The following NDUFA10 variants were observed in gnomAD, a reference collection of about 807,000 sequenced individuals.
NDUFA10 encodes the protein NADH:ubiquinone oxidoreductase subunit A10, also known as NADH dehydrogenase [ubiquinone] 1 alpha subcomplex subunit 10, mitochondrial.
NDUFA10 carries 40 observed loss-of-function variants against 47.8 expected under a neutral mutation model. The ratio of observed to expected loss-of-function variants is 0.84; its 90% CI spans 0.65 to 1.09. The LOEUF is 1.09. NDUFA10 is among the 50% of genes least tolerant of loss of function. NDUFA10 has a pLI of 0.00. For synonymous variants in NDUFA10, 183 were observed against 172.2 expected (o/e 1.06, Z -0.49); for missense variants, 413 against 451.1 (o/e 0.92, Z 0.76).
chr2:239,970,080 C>T (rs1398969165), intron 9 of NDUFA10, among the ~76,000 whole-genome samples: 3 of 152,254 alleles, frequency 2.0e-5, no homozygotes, highest in African/African-American at 7.2e-5. Flanking sequence ...GAAAACCACG[C>T]AGATGCATGC....
chr2:239,990,100 C>T lies in NDUFA10; in HGVS notation c.973G>A (p.Asp325Asn). Residue 325 changes from aspartate to asparagine, a missense_variant, in exon 9 of 10, where the codon GAC becomes AAC. Transcript: ENST00000252711. The stretch of plus-strand genomic sequence containing the variant: ...TCTCTGAACTGATGTAAGACACGGT[C>T]AGTCTGATGAGCTCCAATGGTGACT... ...PEVTIGAHQT[D>N]RVLHQFRELP... 6.2e-7 allele frequency: 1 copy of T among 1,612,858 alleles called. No homozygotes were observed. The highest frequency in any genetic ancestry group is 1.3e-5 in the African/African-American group (1 of 75,006).
intron 9 of NDUFA10, among the ~76,000 whole-genome samples, chr2:239,962,611 T>C (rs776490714): frequency 1.7e-4 from 26 of 152,166 alleles, no homozygotes; most frequent in Non-Finnish European, 3.4e-4. Flanking sequence ...GGTGCTCTGT[T>C]AGTTCATTCT....
chr2:239,948,559 A>G (rs956393285), intron 4 of NDUFA10, among the ~76,000 whole-genome samples: 4 of 152,268 alleles, frequency 2.6e-5, no homozygotes, highest in African/African-American at 9.6e-5. Flanking sequence ...GGCCTGCCCG[A>G]GCAAAGCTGC....
At position 239,922,268 on chromosome 2, in the gene NDUFA10, G is replaced by C. The variant is rs531838622; in HGVS notation, c.295-26954C>G. On this transcript the variant is annotated intron_variant, in intron 4 of 5. Coordinates refer to the NDUFA10 transcript ENST00000419408. The stretch of plus-strand genomic sequence containing the variant: ...GACTTGGATTCTGTGCTGAAAGGCA[G>C]CTAGGCACCTCAGCTGGCCAACCCC... Among the ~76,000 whole-genome samples, 3 of 152,258 alleles carry C rather than the reference G, an allele frequency of 2.0e-5. No homozygotes were observed. The South Asian group carries it at 6.2e-4, about 32-fold the overall frequency.
At chr2:240,000,600 T>C (rs955166269) in intron 8 of NDUFA10, among the ~76,000 whole-genome samples, 5 of 152,224 alleles carry the variant, frequency 3.3e-5, no homozygotes, top group African/African-American at 1.2e-4. Context: ...TCTACCACAG[T>C]GTACGGTGAT....
At chr2:240,004,976 G>A (rs565075167) in intron 8 of NDUFA10, among the ~76,000 whole-genome samples, 97 of 152,274 alleles carry the variant, frequency 6.4e-4, no homozygotes, top group African/African-American at 2.3e-3. Flanking sequence ...CTTAAATCTG[G>A]AACGGTGTTG....
At chr2:239,904,721 C>T in intron 4 of NDUFA10, among the ~76,000 whole-genome samples, 1 of 152,240 alleles carries the variant, frequency 6.6e-6, no homozygotes. Flanking sequence ...GCCACCATAA[C>T]ACCTGGCCAC....
chr2:239,998,776 C>A (rs1696586961), intron 8 of NDUFA10, among the ~76,000 whole-genome samples: 1 of 152,240 alleles, frequency 6.6e-6, no homozygotes, highest in South Asian at 2.1e-4. Context: ...GTATTTTTCA[C>A]TGCTTGAGAA....
At chr2:239,983,917 A>G (rs1015524643) in intron 9 of NDUFA10, among the ~76,000 whole-genome samples, 5 of 152,206 alleles carry the variant, frequency 3.3e-5, no homozygotes, top group African/African-American at 1.2e-4. Flanking sequence ...GGTAATCTGA[A>G]TAATTCAAAG....
chr2:239,899,111 C>T lies in NDUFA10; in HGVS notation c.295-3797G>A, dbSNP rs188350302. On this transcript the variant is annotated intron_variant, in intron 4 of 5. Coordinates refer to the NDUFA10 transcript ENST00000419408. ...GGAGGGGTGTGGTGGAGGGGTGTGA[C>T]GGAGGGGTGTGATGGAGAGGTGTGA... Among the ~76,000 whole-genome samples, 35 of 3,566 alleles carry T rather than the reference C, an allele frequency of 9.8e-3. 2 individuals are homozygous for T. Among genetic ancestry groups the T allele is most frequent in the South Asian group, 0.045 (1 of 22 alleles). The allele number at this position is 3,566 out of a possible 152,430, so 2.3% of individuals were successfully genotyped here. A position where few individuals can be genotyped will look rare whatever the true frequency, so the allele number is the denominator to read the frequency against.
At chr2:239,947,564 C>T (rs542298492) in intron 4 of NDUFA10, among the ~76,000 whole-genome samples, 36 of 152,298 alleles carry the variant, frequency 2.4e-4, no homozygotes, top group South Asian at 2.3e-3. Flanking sequence ...CAGACAGGGA[C>T]GGCTCCTGAC....
intron 1 of NDUFA10, 91 bp downstream of exon 1, chr2:240,025,136 C>A: frequency 8.4e-7 from 1 of 1,195,650 alleles, no homozygotes; most frequent in Non-Finnish European, 1.1e-6. Flanking sequence ...GGAGCCGCCG[C>A]CAGAGGCCGG....
Position 239,987,484 on chromosome 2 carries a change from G to C in NDUFA10, c.999+2590C>G, listed in dbSNP as rs1189645819. Among the ~76,000 whole-genome samples the C allele has an allele frequency of 6.6e-6, 1 of 151,326 alleles. No homozygotes were observed. The highest frequency in any genetic ancestry group is 2.1e-4 in the South Asian group (1 of 4,788). ...GGCGAACCATCACATTCAAGAGTTT[G>C]AAGATAACAGACCATCATGTTAATA... On this transcript the variant is annotated intron_variant, in intron 9 of 9. Transcript: ENST00000252711. This position sits in a 1 kb window ranked among gnomAD's most constrained non-coding sequence, Gnocchi z 4.8.
chr2:239,960,819 GA>G lies in NDUFA10; in HGVS notation c.*298del. 1.5e-6 allele frequency: 2 copies of G among 1,316,880 alleles called. No homozygotes were observed. The highest frequency in any genetic ancestry group is 2.0e-6 in the Non-Finnish European group (2 of 1,023,364). 81.6% of individuals were successfully genotyped at this position (1,316,880 alleles called of 1,614,324 possible). A position where few individuals can be genotyped will look rare whatever the true frequency, so the allele number is the denominator to read the frequency against. Reference sequence around the variant, plus strand: ...CTGAATGACACAGAGCGGCAGCGCTGAAACCACAGGGGCTGCCGAGAGCTGG... The same window carrying G: ...CTGAATGACACAGAGCGGCAGCGCTGAACCACAGGGGCTGCCGAGAGCTGG... On this transcript the variant is annotated 3_prime_UTR_variant, in exon 10 of 10. Coordinates refer to ENST00000252711, the MANE Select transcript of NDUFA10 (RefSeq NM_004544.4).
chr2:239,993,491 C>T (rs1315125058), intron 8 of NDUFA10, among the ~76,000 whole-genome samples: 1 of 152,194 alleles, frequency 6.6e-6, no homozygotes, highest in East Asian at 1.9e-4. Context: ...GGCAGATTGC[C>T]TGGTATCCTG....
chr2:239,951,370 A>T (rs1308266028), intron 4 of NDUFA10, among the ~76,000 whole-genome samples: 4 of 152,202 alleles, frequency 2.6e-5, no homozygotes, highest in South Asian at 4.1e-4. Flanking sequence ...GACATTGATG[A>T]CTGAGTCGTC....
At chr2:239,992,210 A>C (rs1176757356) in intron 8 of NDUFA10, among the ~76,000 whole-genome samples, 1 of 152,260 alleles carries the variant, frequency 6.6e-6, no homozygotes, top group Admixed American at 6.5e-5. Context: ...AGTTTCATTA[A>C]GAAGAATTCA....
intron 4 of NDUFA10, among the ~76,000 whole-genome samples, chr2:239,896,211 G>A (rs1693393715): frequency 6.6e-6 from 1 of 152,232 alleles, no homozygotes. Flanking sequence ...GAATGGAGAG[G>A]CAAGGAATGG....
At chr2:239,921,231 G>A (rs1347403148) in intron 4 of NDUFA10, among the ~76,000 whole-genome samples, 2 of 151,236 alleles carry the variant, frequency 1.3e-5, no homozygotes, top group Non-Finnish European at 3.0e-5. Context: ...TGTGTCCAGA[G>A]CTGCTTCCTT....
Sources: allele counts gnomAD v4.1 joint callset (sites outside exome capture counted in the v4.1 genomes callset), GRCh38; gene constraint gnomAD v4.1.1; non-coding constraint Gnocchi (gnomAD v3.1); transcripts MANE v1.5; gene names NCBI Gene and HGNC (gene_info 2026-07-23, HGNC 2026-07-21).